The following TRIP4 variants were observed in gnomAD, a reference collection of about 807,000 sequenced individuals.
TRIP4 encodes the protein thyroid hormone receptor interactor 4.
TRIP4 carries 54 observed loss-of-function variants against 81.8 expected under a neutral mutation model. That is an observed-to-expected ratio of 0.66 (90% CI 0.53 to 0.83). The LOEUF (loss-of-function observed/expected upper bound fraction) is 0.83. Among genes scored for constraint, TRIP4 ranks in the 40% least tolerant of loss-of-function variants. The probability of loss-of-function intolerance (pLI) is 0.00; values close to 1 mark genes in which losing one functional copy is unlikely to be tolerated. For synonymous variants in TRIP4, 270 were observed against 242.8 expected (o/e 1.11, Z -1.04); for missense variants, 662 against 683.6 (o/e 0.97, Z 0.35).
chr15:64,390,291 C>T (rs535885211), intron 1 of TRIP4, among the ~76,000 whole-genome samples: 5 of 146,032 alleles, frequency 3.4e-5, no homozygotes, highest in Middle Eastern at 4.1e-3. Flanking sequence ...GCGAAACCCC[C>T]ACTCTACTAA....
intron 1 of TRIP4, 31 bp from the exon 2 acceptor site, chr15:64,393,915 G>A (rs1276668285): frequency 6.5e-7 from 1 of 1,539,990 alleles, no homozygotes; most frequent in Non-Finnish European, 8.7e-7. Flanking sequence ...AGTTAGTCTT[G>A]TTTCAACAAC....
In TRIP4 at chr15:64,425,650, T is replaced by C; in HGVS notation, c.1575+19T>C. ...GGAGCAGGTGAGTAAAGAATACTTT[T>C]TTTTTTTAGAGACAGGGTTTCGCCA... On this transcript the variant is annotated intron_variant, in intron 11 of 12. Transcript: ENST00000261884. The C allele has an allele frequency of 6.3e-7, 1 of 1,592,750 alleles. No individual in the cohort carries two copies. The highest frequency in any genetic ancestry group is 1.7e-5 in the Admixed American group (1 of 57,170).
chr15:64,390,209 C>T (rs1304017857), intron 1 of TRIP4, among the ~76,000 whole-genome samples: 6 of 150,028 alleles, frequency 4.0e-5, no homozygotes, highest in Non-Finnish European at 7.4e-5. Flanking sequence ...TGTGTGTAAT[C>T]TAAGCACTTT....
At chr15:64,405,792 T>C (rs1041203489) in intron 5 of TRIP4, among the ~76,000 whole-genome samples, 2 of 152,062 alleles carry the variant, frequency 1.3e-5, no homozygotes, top group African/African-American at 4.8e-5. Context: ...GCCAGGACTT[T>C]GAAACCAGCC....
At chr15:64,405,063 G>C (rs921874311) in intron 5 of TRIP4, among the ~76,000 whole-genome samples, 3 of 152,170 alleles carry the variant, frequency 2.0e-5, no homozygotes, top group East Asian at 3.9e-4. Context: ...ACAATATGCT[G>C]TCAAAGAAGA....
chr15:64,410,329 A>G (rs1891733395), intron 7 of TRIP4, among the ~76,000 whole-genome samples: 1 of 152,146 alleles, frequency 6.6e-6, no homozygotes, highest in Non-Finnish European at 1.5e-5. Flanking sequence ...CTCAGCAAAA[A>G]AAAGTTTTTA....
chr15:64,417,984 G>A (rs561401335), intron 8 of TRIP4, among the ~76,000 whole-genome samples: 1 of 152,276 alleles, frequency 6.6e-6, no homozygotes, highest in South Asian at 2.1e-4. Flanking sequence ...AGCATTGTAT[G>A]GAGATTTCAA....
intron 11 of TRIP4, among the ~76,000 whole-genome samples, chr15:64,435,822 TA>T (rs57170652): frequency 1.5e-3 from 99 of 65,982 alleles, no homozygotes; most frequent in African/African-American, 5.8e-3. Context: ...GGAAGCTTCT[TA>T]AAAAAAAAAA....
At chr15:64,438,406 G>A (rs555198849) in intron 11 of TRIP4, among the ~76,000 whole-genome samples, 2 of 152,234 alleles carry the variant, frequency 1.3e-5, no homozygotes, top group Non-Finnish European at 2.9e-5. Flanking sequence ...TGCAACCTCT[G>A]CCTCCCAGGT....
intron 8 of TRIP4, among the ~76,000 whole-genome samples, chr15:64,416,741 G>A (rs1891898261): frequency 6.6e-6 from 1 of 152,002 alleles, no homozygotes; most frequent in South Asian, 2.1e-4. Flanking sequence ...AGCAAGAACC[G>A]TATCTTTTTC....
intron 9 of TRIP4, 94 bp downstream of exon 9, chr15:64,418,822 G>C: frequency 8.2e-7 from 1 of 1,225,466 alleles, no homozygotes; most frequent in Non-Finnish European, 1.1e-6. Flanking sequence ...CCTCAATCTA[G>C]TGATGATTTA....
chr15:64,430,105 C>T (rs1892235676), intron 11 of TRIP4, among the ~76,000 whole-genome samples: 1 of 152,162 alleles, frequency 6.6e-6, no homozygotes, highest in Non-Finnish European at 1.5e-5. Context: ...AAATCAAGTG[C>T]ACTACACTGT....
At chr15:64,398,323 T>C (rs1056396753) in intron 4 of TRIP4, among the ~76,000 whole-genome samples, 1 of 150,748 alleles carries the variant, frequency 6.6e-6, no homozygotes, top group Non-Finnish European at 1.5e-5. Flanking sequence ...GTCCCAACAC[T>C]TTGGGAAGCC....
chr15:64,426,724 G>A (rs1280010605), intron 11 of TRIP4, among the ~76,000 whole-genome samples: 2 of 147,230 alleles, frequency 1.4e-5, no homozygotes, highest in Non-Finnish European at 3.0e-5. Context: ...AAAAAAGATG[G>A]GCATGGTGGC....
At chr15:64,403,036 A>T (rs1301656447) in intron 5 of TRIP4, among the ~76,000 whole-genome samples, 1 of 150,434 alleles carries the variant, frequency 6.6e-6, no homozygotes, top group South Asian at 2.1e-4. Flanking sequence ...ATTTTTTTGT[A>T]TTTTTTTAGT....
chr15:64,426,811 T>C (rs564198512), intron 11 of TRIP4, among the ~76,000 whole-genome samples: 1 of 151,480 alleles, frequency 6.6e-6, no homozygotes, highest in South Asian at 2.1e-4. Context: ...CTATCCTGGC[T>C]AACACGGTCA....
chr15:64,414,203 C>T lies in TRIP4; in HGVS notation c.1162C>T (p.Pro388Ser), dbSNP rs1257076408. 1 of 1,613,962 alleles carries T rather than the reference C, an allele frequency of 6.2e-7. No individual in the cohort carries two copies. Among genetic ancestry groups the T allele is most frequent in the East Asian group, 2.2e-5 (1 of 44,862 alleles). ...GGTAAATCCCAACATGTACCAGTCC[C>T]CTCCCCAGGTTAGTGGACCTTTGCT... ...VLVNPNMYQS[P>S]PQWVDHTGAA... Residue 388 changes from proline to serine, a missense_variant, in exon 8 of 13, where the codon CCT becomes TCT. Physicochemically the swap from Pro to Ser is moderately conservative, Grantham distance 74. Coordinates refer to ENST00000261884, the MANE Select transcript of TRIP4 (RefSeq NM_016213.5).
intron 9 of TRIP4, among the ~76,000 whole-genome samples, chr15:64,420,819 A>G (rs1452031822): frequency 1.3e-5 from 2 of 152,070 alleles, no homozygotes; most frequent in Admixed American, 1.3e-4. Flanking sequence ...GGCGTGAGCC[A>G]CCGTGCCAGG....
intron 8 of TRIP4, among the ~76,000 whole-genome samples, chr15:64,417,071 G>T (rs540829328): frequency 1.8e-4 from 28 of 152,114 alleles, no homozygotes; most frequent in Non-Finnish European, 4.0e-4. Context: ...GCAGTGGTAT[G>T]ATCATAGCTC....
Sources: gnomAD v4.1 joint callset for allele counts (sites outside exome capture counted in the v4.1 genomes callset) on GRCh38, gnomAD v4.1.1 for gene constraint, MANE v1.5 for transcripts, NCBI Gene and HGNC (gene_info 2026-07-23, HGNC 2026-07-21) for gene names.